KCNH7: variants seen among roughly 807,000 people sequenced by gnomAD.
KCNH7 encodes voltage-gated inwardly rectifying potassium channel KCNH7.
KCNH7 carries 49 observed loss-of-function variants against 120.8 expected under a neutral mutation model. That is an observed-to-expected ratio of 0.41 (90% confidence interval 0.32 to 0.51). KCNH7 has a LOEUF of 0.51. KCNH7 is among the 20% of genes least tolerant of loss of function. KCNH7 has a pLI of 0.38. For synonymous variants in KCNH7, 547 were observed against 516.1 expected, an observed-to-expected ratio of 1.06 and a Z score of -0.81; for missense variants, 1,097 against 1,446.6, an observed-to-expected ratio of 0.76 and a Z score of 3.92.
At chr2:162,605,821 A>AT (rs1682743928) in intron 2 of KCNH7, among the ~76,000 whole-genome samples, 2 of 152,072 alleles carry the variant, frequency 1.3e-5, no homozygotes, top group African/African-American at 4.8e-5. Context: ...ATTGAGCTTG[A>AT]TAATTTGCTT....
chr2:162,632,043 TA>T (rs1268569357), intron 2 of KCNH7, among the ~76,000 whole-genome samples: 1 of 151,692 alleles, frequency 6.6e-6, no homozygotes, highest in East Asian at 1.9e-4. Context: ...AAAAGGAAGA[TA>T]AAAAAATGAA....
chr2:162,472,449 A>C (rs990999850), intron 6 of KCNH7, among the ~76,000 whole-genome samples: 2 of 152,240 alleles, frequency 1.3e-5, no homozygotes, highest in African/African-American at 2.4e-5. Flanking sequence ...GACACTTCAC[A>C]AAAGAAGACA....
At chr2:162,421,139 G>A (rs1179580326) in intron 9 of KCNH7, among the ~76,000 whole-genome samples, 1 of 152,074 alleles carries the variant, frequency 6.6e-6, no homozygotes, top group East Asian at 1.9e-4. Flanking sequence ...TCCGTGCAAA[G>A]TCAAGCTCTC....
At chr2:162,835,763 G>A (rs1306766999) in intron 2 of KCNH7, among the ~76,000 whole-genome samples, 1 of 152,048 alleles carries the variant, frequency 6.6e-6, no homozygotes, top group Non-Finnish European at 1.5e-5. Context: ...TATTACATGT[G>A]TAATTTTTTA....
At chr2:162,516,514 G>T (rs866323104) in intron 4 of KCNH7, among the ~76,000 whole-genome samples, 10 of 151,894 alleles carry the variant, frequency 6.6e-5, no homozygotes, top group South Asian at 4.1e-4. Flanking sequence ...GGGGAGTCTT[G>T]CTGGGGCTAG....
At chr2:162,574,465 T>C (rs192259928) in intron 2 of KCNH7, among the ~76,000 whole-genome samples, 1 of 152,016 alleles carries the variant, frequency 6.6e-6, no homozygotes, top group Admixed American at 6.6e-5. Flanking sequence ...AGAATGGTAA[T>C]AGTTGTTTAT....
At chr2:162,395,064 GCTTA>G (rs1325904933) in intron 11 of KCNH7, among the ~76,000 whole-genome samples, 1 of 151,572 alleles carries the variant, frequency 6.6e-6, no homozygotes, top group Non-Finnish European at 1.5e-5. Flanking sequence ...CTTTTCTATA[GCTTA>G]CTTTATTGTA....
At chr2:162,695,763 C>A (rs1306311770) in intron 2 of KCNH7, among the ~76,000 whole-genome samples, 1 of 152,080 alleles carries the variant, frequency 6.6e-6, no homozygotes, top group African/African-American at 2.4e-5. Context: ...TGCCGGGACC[C>A]CACACCAGGG....
intron 6 of KCNH7, among the ~76,000 whole-genome samples, chr2:162,466,406 A>G (rs555666319): frequency 1.3e-5 from 2 of 152,326 alleles, no homozygotes; most frequent in Admixed American, 6.5e-5. Context: ...CCTTCTACAC[A>G]TGGCGGCAGG....
At chr2:162,665,921 G>T in intron 2 of KCNH7, among the ~76,000 whole-genome samples, 1 of 152,100 alleles carries the variant, frequency 6.6e-6, no homozygotes, top group East Asian at 1.9e-4. Flanking sequence ...AATGTGATAA[G>T]GTATGTGAAA....
chr2:162,451,197 C>G (rs1688759987), intron 6 of KCNH7, among the ~76,000 whole-genome samples: 1 of 151,880 alleles, frequency 6.6e-6, no homozygotes, highest in Non-Finnish European at 1.5e-5. Context: ...ACCTATCTAT[C>G]CAGAGCTACC....
intron 2 of KCNH7, among the ~76,000 whole-genome samples, chr2:162,826,086 G>A (rs1025379006): frequency 4.6e-5 from 7 of 152,002 alleles, no homozygotes; most frequent in African/African-American, 7.2e-5. Flanking sequence ...CTGATGAAGT[G>A]TCTTCTGATA....
At chr2:162,413,455 C>G (rs1288384970) in intron 9 of KCNH7, among the ~76,000 whole-genome samples, 1 of 152,028 alleles carries the variant, frequency 6.6e-6, no homozygotes, top group Non-Finnish European at 1.5e-5. Flanking sequence ...ACTGAGTGGA[C>G]AAATAGAGCA....
At chr2:162,726,060 C>G (rs529539294) in intron 2 of KCNH7, among the ~76,000 whole-genome samples, 5 of 152,270 alleles carry the variant, frequency 3.3e-5, no homozygotes, top group Non-Finnish European at 2.9e-5. Flanking sequence ...AATTGGGACA[C>G]TAGTCCACTC....
chr2:162,498,726 A>C (rs567384384), intron 6 of KCNH7, among the ~76,000 whole-genome samples: 1 of 152,190 alleles, frequency 6.6e-6, no homozygotes, highest in East Asian at 1.9e-4. Context: ...AATAATATGG[A>C]CACTGGAAGA....
intron 2 of KCNH7, among the ~76,000 whole-genome samples, chr2:162,571,492 T>C (rs1162166151): frequency 6.9e-6 from 1 of 144,272 alleles, no homozygotes; most frequent in Non-Finnish European, 1.5e-5. Context: ...ACAGATTCAA[T>C]GCCATCCCCA....
intron 3 of KCNH7, among the ~76,000 whole-genome samples, chr2:162,527,238 A>G (rs1574065757): frequency 6.6e-6 from 1 of 152,008 alleles, no homozygotes; most frequent in East Asian, 1.9e-4. Context: ...CTTTAAAAAG[A>G]GGAAACTTCC....
At chr2:162,661,322 A>G (rs1477101811) in intron 2 of KCNH7, among the ~76,000 whole-genome samples, 1 of 152,174 alleles carries the variant, frequency 6.6e-6, no homozygotes, top group Non-Finnish European at 1.5e-5. Context: ...GAATTTGGAA[A>G]GGTAGAGAAT....
intron 6 of KCNH7, among the ~76,000 whole-genome samples, chr2:162,489,325 G>A (rs2105706700): frequency 6.6e-6 from 1 of 152,086 alleles, no homozygotes; most frequent in South Asian, 2.1e-4. Context: ...AAGAATAATT[G>A]TTTTGGGCCA....
Sources: gnomAD v4.1 joint callset for allele counts (sites outside exome capture counted in the v4.1 genomes callset) on GRCh38, gnomAD v4.1.1 for gene constraint, MANE v1.5 for transcripts, NCBI Gene and HGNC (gene_info 2026-07-23, HGNC 2026-07-21) for gene names.